Variants in HERC1 observed in about 807,000 individuals in gnomAD.
HERC1 encodes probable E3 ubiquitin-protein ligase HERC1.
HERC1 carries 160 observed loss-of-function variants against 554.3 expected under a neutral mutation model. The observed-to-expected ratio is 0.29, with a 90% CI of 0.25 to 0.33. The LOEUF is 0.33. HERC1 is among the 10% of genes least tolerant of loss of function. The probability of loss-of-function intolerance (pLI) is 1.00; values close to 1 mark genes in which losing one functional copy is unlikely to be tolerated. For synonymous variants in HERC1, 2,175 were observed against 2,131.7 expected (o/e 1.02, Z -0.56); for missense variants, 4,919 against 5,918.5 (o/e 0.83, Z 5.54).
Position 63,640,248 on chromosome 15 carries a change from TTTTA to T in HERC1, c.11801_11804del (p.Ile3934LysfsTer6). The T allele has an allele frequency of 6.2e-7, 1 of 1,613,924 alleles. No homozygotes were observed. The highest frequency in any genetic ancestry group is 8.5e-7 in the Non-Finnish European group (1 of 1,179,830). Reference sequence around the variant, plus strand: ...CTCCATTGGTCAGGGCTTCGGCAGCTTTTATAGTGGTTGAGAAACATTCTAACCA... The same window carrying T: ...CTCCATTGGTCAGGGCTTCGGCAGCTTAGTGGTTGAGAAACATTCTAACCA... On this transcript the variant is annotated frameshift_variant, in exon 61 of 78. Coordinates refer to ENST00000443617, the MANE Select transcript of HERC1 (RefSeq NM_003922.4). LOFTEE classifies it high-confidence loss of function.
In HERC1 at chr15:63,624,377, G is replaced by C. The variant is rs372447733; in HGVS notation, c.13276-50C>G. 15 of 1,481,162 alleles carry C rather than the reference G, an allele frequency of 1.0e-5. No individual in the cohort carries two copies. In the African/African-American group the frequency reaches 2.1e-4, roughly 21 times the overall value. The allele number at this position is 1,481,162 out of a possible 1,614,324, so 91.8% of individuals were successfully genotyped here. On this transcript the variant is annotated intron_variant, in intron 71 of 77. Transcript: ENST00000443617. ...GAAATGGTACAATCTAGGCTTAAAA[G>C]AAATAACAATTTTCACTTATAGAAC...
At chr15:63,637,761 C>G in intron 63 of HERC1, 118 bp from the exon 64 acceptor site, 8 of 817,176 alleles carry the variant, frequency 9.8e-6, no homozygotes, top group South Asian at 2.2e-5. Context: ...TATCCTTTTA[C>G]TGAAAGGGAA....
chr15:63,733,137 T>C lies in HERC1; in HGVS notation c.2655A>G (p.Gln885=), dbSNP rs770247574. 1.9e-6 allele frequency: 3 copies of C among 1,609,130 alleles called. No individual in the cohort carries two copies. The highest frequency in any genetic ancestry group is 2.2e-5 in the South Asian group (2 of 90,974). ...WESLSKGQRM[Q]LDIILTSLQD... is the part of the protein sequence containing the mutation. ...GCAAACTTGTCAGGATGATATCCAG[T>C]TGCATTCTCTAAAGAACAATAAAAT... is the stretch of plus-strand genomic sequence containing the variant. Residue 885 remains glutamine (Q), a synonymous_variant, in exon 14 of 78, where the codon CAA becomes CAG. Transcript: ENST00000443617.
intron 1 of HERC1, among the ~76,000 whole-genome samples, chr15:63,776,059 T>C (rs2076105021): frequency 6.7e-6 from 1 of 150,096 alleles, no homozygotes; most frequent in Non-Finnish European, 1.5e-5. Flanking sequence ...AAAAAGTTTA[T>C]GTTAAAAAAC....
At position 63,708,715 on chromosome 15, in the gene HERC1, T is replaced by C. The variant is rs142172063; in HGVS notation, c.4585-1884A>G. Among the ~76,000 whole-genome samples the C allele has an allele frequency of 1.8e-3, 272 of 152,314 alleles. 1 individual carries two copies. The highest frequency in any genetic ancestry group is 7.5e-3 in the Admixed American group (115 of 15,296). ...TTCTAACATTTTAAAAAGCATTTCA[T>C]TTACGAACAATTCAGAATAAATGAG... On this transcript the variant is annotated intron_variant, in intron 24 of 77. Coordinates refer to ENST00000443617, the MANE Select transcript of HERC1 (RefSeq NM_003922.4).
chr15:63,821,059 T>C (rs980713904), intron 1 of HERC1, among the ~76,000 whole-genome samples: 13 of 152,256 alleles, frequency 8.5e-5, no homozygotes, highest in African/African-American at 2.9e-4. Flanking sequence ...ACATTTCACA[T>C]GTAAGTACTC....
At chr15:63,766,147 A>T (rs1445098511) in intron 2 of HERC1, among the ~76,000 whole-genome samples, 2 of 152,036 alleles carry the variant, frequency 1.3e-5, no homozygotes, top group Non-Finnish European at 2.9e-5. Context: ...CTTATTAACT[A>T]TTAGTAAATA....
At chr15:63,801,587 G>C (rs957666384) in intron 1 of HERC1, among the ~76,000 whole-genome samples, 1 of 152,140 alleles carries the variant, frequency 6.6e-6, no homozygotes, top group Non-Finnish European at 1.5e-5. Context: ...TATATCCCTA[G>C]TGTTTATTAG....
At chr15:63,673,631 G>A (rs1326002056) in intron 38 of HERC1, among the ~76,000 whole-genome samples, 4 of 149,048 alleles carry the variant, frequency 2.7e-5, no homozygotes, top group African/African-American at 9.9e-5. Flanking sequence ...ATAAAACAGA[G>A]CTTTTCTTTT....
At chr15:63,698,582 A>G (rs1481809942) in intron 26 of HERC1, 146 bp downstream of exon 26, 2 of 747,884 alleles carry the variant, frequency 2.7e-6, no homozygotes, top group South Asian at 2.0e-5. Flanking sequence ...TGTTCTAGTG[A>G]AGAATGTTAT....
intron 61 of HERC1, 101 bp downstream of exon 61, chr15:63,640,051 T>C: frequency 1.8e-6 from 2 of 1,117,150 alleles, no homozygotes; most frequent in South Asian, 3.0e-5. Context: ...GGTATCCTTC[T>C]AGCCATGCAT....
chr15:63,735,621 G>A (rs1475670081), intron 12 of HERC1, among the ~76,000 whole-genome samples: 1 of 151,890 alleles, frequency 6.6e-6, no homozygotes, highest in Non-Finnish European at 1.5e-5. Flanking sequence ...ATAAGGAATA[G>A]GAGCTGCATT....
chr15:63,666,057 G>C lies in HERC1; in HGVS notation c.8417C>G (p.Ser2806Trp), dbSNP rs764147265. ...PGHEDEEEPQ[S>W]GSTADSRPGA... ...AGGCCTAGAGTCTGCTGTGCTGCCC[G>C]ACTGGGGCTCCTCTTCATCCTCATG... Residue 2806 changes from serine to tryptophan, a missense_variant, in exon 42 of 78, where the codon TCG (serine) becomes TGG (tryptophan). Physicochemically the swap from Ser to Trp is radical, Grantham distance 177. This residue lies in a region of HERC1 where 1,963 missense variants were observed against 2,228.6 expected (regional missense o/e 0.88). Transcript: ENST00000443617. 9.3e-6 allele frequency: 15 copies of C among 1,613,968 alleles called. No individual in the cohort carries two copies. Among genetic ancestry groups the C allele is most frequent in the Non-Finnish European group, 1.3e-5 (15 of 1,179,858 alleles).
At chr15:63,707,093 C>G (rs1028501165) in intron 24 of HERC1, among the ~76,000 whole-genome samples, 29 of 152,216 alleles carry the variant, frequency 1.9e-4, no homozygotes, top group African/African-American at 6.3e-4. Flanking sequence ...TTTTTGTTAC[C>G]TTTTTCCATT....
chr15:63,623,673 A>C (rs1321970918), intron 73 of HERC1, 52 bp downstream of exon 73: 1 of 1,556,200 alleles, frequency 6.4e-7, no homozygotes, highest in East Asian at 2.3e-5. Flanking sequence ...GAAACAGCAA[A>C]ATGGCCACTA....
rs370309433 is a variant in HERC1, at chr15:63,645,398, G to C, written c.11078+85C>G. Reference sequence around the variant, plus strand: ...TAGCAACTGGCAATAAACTCTTTAAGACTACTGAGAAGCCACACTTAATGC... The same window carrying C: ...TAGCAACTGGCAATAAACTCTTTAACACTACTGAGAAGCCACACTTAATGC... On this transcript the variant is annotated intron_variant, in intron 56 of 77. Coordinates refer to ENST00000443617, the MANE Select transcript of HERC1 (RefSeq NM_003922.4). 19 of 969,920 alleles carry C rather than the reference G, an allele frequency of 2.0e-5. No homozygotes were observed. In the African/African-American group the frequency reaches 3.1e-4, roughly 16 times the overall value. The allele number at this position is 969,920 out of a possible 1,614,324, so 60.1% of individuals were successfully genotyped here. A position where few individuals can be genotyped will look rare whatever the true frequency, so the allele number is the denominator to read the frequency against.
chr15:63,736,415 T>C (rs2074506414), intron 12 of HERC1, among the ~76,000 whole-genome samples: 1 of 152,202 alleles, frequency 6.6e-6, no homozygotes, highest in Non-Finnish European at 1.5e-5. Flanking sequence ...GTTTATACCT[T>C]CTAGCAGTAG....
Position 63,641,634 on chromosome 15 carries a change from C to G in HERC1, c.11443G>C (p.Val3815Leu), listed in dbSNP as rs1391034193. The part of the protein sequence containing the change: ...ACSNRSKDVL[V>L]VNCTAEWAAA... The stretch of plus-strand genomic sequence containing the variant: ...GCCCATTCTGCTGTACAATTCACGA[C>G]CAAAACATCCTGGTTGAAAATAAAT... The change falls in exon 60 of 78, where the codon GTC becomes CTC. Residue 3815 changes from valine to leucine, a missense_variant. Transcript: ENST00000443617. 1 of 1,533,728 alleles carries G rather than the reference C, an allele frequency of 6.5e-7. No homozygotes were observed. The highest frequency in any genetic ancestry group is 2.4e-5 in the East Asian group (1 of 41,154).
At chr15:63,752,288 T>C (rs1388764534) in intron 8 of HERC1, among the ~76,000 whole-genome samples, 3 of 152,188 alleles carry the variant, frequency 2.0e-5, no homozygotes, top group Non-Finnish European at 4.4e-5. Flanking sequence ...TGGCCTCCTA[T>C]ACATGACAGA....
Sources: gnomAD v4.1 joint callset for allele counts (sites outside exome capture counted in the v4.1 genomes callset) on GRCh38, gnomAD v4.1.1 for gene constraint, gnomAD v4.1.1 regional missense constraint, MANE v1.5 for transcripts, NCBI Gene and HGNC (gene_info 2026-07-23, HGNC 2026-07-21) for gene names.